The following ACAP2 variants were observed in gnomAD, a reference collection of about 807,000 sequenced individuals.
ACAP2 encodes ArfGAP with coiled-coil, ankyrin repeat and PH domains 2.
ACAP2 carries 39 observed loss-of-function variants against 115.8 expected under a neutral mutation model. The observed-to-expected ratio is 0.34, with a 90% CI of 0.26 to 0.44. The LOEUF (loss-of-function observed/expected upper bound fraction) is 0.44. Ranked by LOEUF, ACAP2 falls within the 20% of genes least tolerant of loss-of-function variation. ACAP2 has a pLI of 1.00. For synonymous variants in ACAP2, 289 were observed against 315.8 expected (o/e 0.92, Z 0.90); for missense variants, 662 against 927.6 (o/e 0.71, Z 3.72).
At chr3:195,411,913 A>G (rs1022979799) in intron 1 of ACAP2, among the ~76,000 whole-genome samples, 2 of 151,754 alleles carry the variant, frequency 1.3e-5, no homozygotes, top group African/African-American at 4.8e-5. Context: ...AAAAACTCAC[A>G]ATGAATGTCA....
chr3:195,291,905 C>T (rs961390094), intron 19 of ACAP2, 90 bp from the exon 20 acceptor site: 8 of 1,091,528 alleles, frequency 7.3e-6, no homozygotes, highest in African/African-American at 1.6e-5. Context: ...GTTTTCGTTA[C>T]TCAAATAGCA....
rs766042369 is a variant in ACAP2, at chr3:195,435,882, T to C, written c.53+6913A>G. Among the ~76,000 whole-genome samples, 20 of 152,150 alleles carry C rather than the reference T, an allele frequency of 1.3e-4. 1 individual carries two copies. Among genetic ancestry groups the C allele is most frequent in the Non-Finnish European group, 2.6e-4 (18 of 67,998 alleles). Reference sequence around the variant, plus strand: ...TAAGTCTTCTTGGTTTATAGCACTGTTCACATCTTCTATTTCCTTATTAAT... The same window carrying C: ...TAAGTCTTCTTGGTTTATAGCACTGCTCACATCTTCTATTTCCTTATTAAT... On this transcript the variant is annotated intron_variant, in intron 1 of 22. Coordinates refer to ENST00000326793, the MANE Select transcript of ACAP2 (RefSeq NM_012287.6).
chr3:195,403,771 T>G (rs887763739), intron 1 of ACAP2, among the ~76,000 whole-genome samples: 9 of 152,088 alleles, frequency 5.9e-5, no homozygotes, highest in African/African-American at 2.2e-4. Context: ...AGAGTTCAGT[T>G]TTGGATTTGA....
intron 1 of ACAP2, among the ~76,000 whole-genome samples, chr3:195,409,628 C>T (rs1458274645): frequency 6.6e-6 from 1 of 152,026 alleles, no homozygotes; most frequent in African/African-American, 2.4e-5. Flanking sequence ...GTAATCTCAG[C>T]ACCCTGGGAG....
At chr3:195,410,730 T>C (rs1233756566) in intron 1 of ACAP2, 1 of 153,856 alleles carries the variant, frequency 6.5e-6, no homozygotes, top group Non-Finnish European at 1.5e-5. Context: ...AATGTTTGTG[T>C]CTCTCCAAAA....
chr3:195,409,543 G>C (rs80063044), intron 1 of ACAP2, among the ~76,000 whole-genome samples: 2,281 of 152,102 alleles, frequency 0.015, 64 homozygotes, highest in African/African-American at 0.053. Context: ...CAGATTTAAT[G>C]CAATTCTTGT....
chr3:195,358,149 C>T (rs982996998), intron 4 of ACAP2, among the ~76,000 whole-genome samples: 1 of 152,160 alleles, frequency 6.6e-6, no homozygotes, highest in East Asian at 1.9e-4. Flanking sequence ...CCAAGAACTA[C>T]AGCATTACTA....
intron 9 of ACAP2, chr3:195,325,321 A>G (rs1324477522): frequency 2.4e-6 from 1 of 413,710 alleles, no homozygotes; most frequent in Non-Finnish European, 4.7e-6. Context: ...GAATGTTCAA[A>G]GCACCACTGT....
At chr3:195,377,138 CTTTTTT>C (rs749352761) in intron 4 of ACAP2, among the ~76,000 whole-genome samples, 36 of 77,114 alleles carry the variant, frequency 4.7e-4, no homozygotes, top group Admixed American at 4.2e-3. Context: ...GAATGTAAAT[CTTTTTT>C]TTTTTTTTTT....
In ACAP2 at chr3:195,416,356, A is replaced by C. The variant is rs113761416; in HGVS notation, c.54-24209T>G. ...CAAGACGCCGTCAAAAAAAAAAAAAAAATCCTCAACATCACCATCGGTTAA... is the reference window on the plus strand; with the variant it reads ...CAAGACGCCGTCAAAAAAAAAAAAACAATCCTCAACATCACCATCGGTTAA... On this transcript the variant is annotated intron_variant, in intron 1 of 22. Coordinates refer to ENST00000326793, the MANE Select transcript of ACAP2 (RefSeq NM_012287.6). Among the ~76,000 whole-genome samples, 704 of 152,274 alleles carry C rather than the reference A, an allele frequency of 4.6e-3. 5 individuals carry two copies. Among genetic ancestry groups the C allele is most frequent in the African/African-American group, 0.016 (664 of 41,548 alleles).
chr3:195,317,059 G>A (rs972642078), intron 10 of ACAP2, among the ~76,000 whole-genome samples: 1 of 151,486 alleles, frequency 6.6e-6, no homozygotes, highest in African/African-American at 2.4e-5. Flanking sequence ...CACCACGCCA[G>A]GCTAATTTTT....
At chr3:195,424,888 C>T (rs1472852349) in intron 1 of ACAP2, among the ~76,000 whole-genome samples, 2 of 136,154 alleles carry the variant, frequency 1.5e-5, no homozygotes, top group African/African-American at 2.8e-5. Context: ...TGCACTCCAG[C>T]CTGAGTGATA....
intron 4 of ACAP2, among the ~76,000 whole-genome samples, chr3:195,365,393 C>A (rs999567360): frequency 6.6e-6 from 1 of 152,114 alleles, no homozygotes; most frequent in African/African-American, 2.4e-5. Context: ...TACACACCTA[C>A]TATGCACCCA....
At chr3:195,388,558 T>G (rs1316817634) in intron 2 of ACAP2, among the ~76,000 whole-genome samples, 1 of 152,200 alleles carries the variant, frequency 6.6e-6, no homozygotes. Context: ...TAGGTGGAAC[T>G]TGCCCTGCAC....
At chr3:195,424,261 G>GTGTGTGTATATATATATA (rs1456909404) in intron 1 of ACAP2, among the ~76,000 whole-genome samples, 2 of 54,656 alleles carry the variant, frequency 3.7e-5, no homozygotes, top group African/African-American at 1.4e-4. Flanking sequence ...GTGTGTGTGT[G>GTGTGTGTATATATATATA]TATATATATA....
At chr3:195,311,080 T>C (rs1003326176) in intron 10 of ACAP2, among the ~76,000 whole-genome samples, 13 of 143,338 alleles carry the variant, frequency 9.1e-5, no homozygotes, top group African/African-American at 2.9e-4. Flanking sequence ...AACATTTCAT[T>C]GTGGTTTTTT....
At chr3:195,412,383 C>G (rs1474344569) in intron 1 of ACAP2, among the ~76,000 whole-genome samples, 1 of 150,844 alleles carries the variant, frequency 6.6e-6, no homozygotes, top group African/African-American at 2.4e-5. Flanking sequence ...AGTTCGAGAC[C>G]AGCCTGGCCA....
chr3:195,321,052 GACATAT>G (rs1729415479), intron 9 of ACAP2, among the ~76,000 whole-genome samples: 3 of 151,642 alleles, frequency 2.0e-5, no homozygotes, highest in Non-Finnish European at 4.4e-5. Context: ...ATGACGTAAG[GACATAT>G]AATTATATAG....
At chr3:195,323,252 G>C (rs971137188) in intron 9 of ACAP2, among the ~76,000 whole-genome samples, 14 of 151,968 alleles carry the variant, frequency 9.2e-5, no homozygotes, top group Non-Finnish European at 1.0e-4. Flanking sequence ...CAAAAAAAGA[G>C]TACAAGATTG....
Sources: gnomAD v4.1 joint callset for allele counts (sites outside exome capture counted in the v4.1 genomes callset) on GRCh38, gnomAD v4.1.1 for gene constraint, MANE v1.5 for transcripts, NCBI Gene and HGNC (gene_info 2026-07-23, HGNC 2026-07-21) for gene names.